The following SCML2 variants were observed in gnomAD, a reference collection of about 807,000 sequenced individuals.
The protein encoded by SCML2 is Scm polycomb group protein like 2.
SCML2 carries 6 observed loss-of-function variants against 48.4 expected under a neutral mutation model. That is an observed-to-expected ratio of 0.12 (90% CI 0.07 to 0.24). The LOEUF (loss-of-function observed/expected upper bound fraction) is 0.24, where lower values mean the gene tolerates loss of function less well. Among genes scored for constraint, SCML2 ranks in the 10% least tolerant of loss-of-function variants. The probability of loss-of-function intolerance (pLI) is 1.00; values close to 1 mark genes in which losing one functional copy is unlikely to be tolerated. For missense variants in SCML2, 377 were observed against 528.2 expected (o/e 0.71, Z 2.81); for synonymous variants, 181 against 189.5 (o/e 0.95, Z 0.37).
At chrX:18,250,016 A>G (rs761297158) in intron 11 of SCML2, among the ~76,000 whole-genome samples, 1 of 111,615 alleles carries the variant, frequency 9.0e-6, no homozygotes, top group East Asian at 2.8e-4. Flanking sequence ...AAAAGTCACT[A>G]AACAGCACCA....
chrX:18,284,933 G>A (rs1237993358), intron 7 of SCML2, among the ~76,000 whole-genome samples: 2 of 110,773 alleles, frequency 1.8e-5, no homozygotes, highest in Non-Finnish European at 3.8e-5. Flanking sequence ...CCAGCTACTC[G>A]GGAGGCTGAG....
At chrX:18,257,494 A>G (rs1200936561) in intron 10 of SCML2, among the ~76,000 whole-genome samples, 1 of 112,138 alleles carries the variant, frequency 8.9e-6, no homozygotes, top group Non-Finnish European at 1.9e-5. Context: ...AATTTACATT[A>G]TTCTGACATC....
At chrX:18,268,762 T>TATA (rs1269680109) in intron 7 of SCML2, among the ~76,000 whole-genome samples, 7 of 108,600 alleles carry the variant, frequency 6.4e-5, no homozygotes, top group Non-Finnish European at 1.1e-4. Flanking sequence ...AAACTTAAAG[T>TATA]ATAATAATAA....
chrX:18,261,602 A>T (rs1316162774), intron 8 of SCML2, among the ~76,000 whole-genome samples: 12 of 109,702 alleles, frequency 1.1e-4, no homozygotes, highest in Non-Finnish European at 1.7e-4. Context: ...TTAAAAGATT[A>T]AAGTACCTGC....
intron 6 of SCML2, among the ~76,000 whole-genome samples, chrX:18,307,092 G>A (rs887698500): frequency 9.0e-6 from 1 of 111,306 alleles, no homozygotes; most frequent in African/African-American, 3.3e-5. Context: ...ACAACAGCCT[G>A]GGCAACAAGA....
Position 18,266,248 on chromosome X carries a change from C to A in SCML2, c.731-446G>T, listed in dbSNP as rs754914149. Among the ~76,000 whole-genome samples the A allele has an allele frequency of 9.0e-5, 10 of 111,551 alleles. No individual in the cohort carries two copies. In the South Asian group the frequency reaches 1.9e-3, roughly 21 times the overall value. Reference sequence around the variant, plus strand: ...TGCTTCATGTTTCAGAGGGCAGGGGCTCCCTTGCTCTTGACTTTTTTCAGA... The same window carrying A: ...TGCTTCATGTTTCAGAGGGCAGGGGATCCCTTGCTCTTGACTTTTTTCAGA... On this transcript the variant is annotated intron_variant, in intron 7 of 14. Transcript: ENST00000251900.
At chrX:18,333,285 A>C (rs956046421) in intron 2 of SCML2, among the ~76,000 whole-genome samples, 1 of 111,040 alleles carries the variant, frequency 9.0e-6, no homozygotes, top group Non-Finnish European at 1.9e-5. Flanking sequence ...TCAAAAAAAA[A>C]TAAAAATAAA....
At chrX:18,274,599 G>A (rs1927568162) in intron 7 of SCML2, among the ~76,000 whole-genome samples, 1 of 111,595 alleles carries the variant, frequency 9.0e-6, no homozygotes, top group African/African-American at 3.3e-5. Flanking sequence ...TTAATTCCCT[G>A]GTCTGCTGTC....
chrX:18,271,885 G>A (rs1927476149), intron 7 of SCML2, among the ~76,000 whole-genome samples: 1 of 110,558 alleles, frequency 9.0e-6, no homozygotes, highest in African/African-American at 3.3e-5. Flanking sequence ...CAGCTGTGCT[G>A]CCCAATGCCT....
At chrX:18,313,010 C>CGT (rs72363939) in intron 6 of SCML2, among the ~76,000 whole-genome samples, 3 of 105,165 alleles carry the variant, frequency 2.9e-5, no homozygotes, top group African/African-American at 3.5e-5. Context: ...TGTGTGTGCG[C>CGT]GTGTGTGTGT....
intron 8 of SCML2, among the ~76,000 whole-genome samples, chrX:18,262,092 T>C (rs1569141274): frequency 9.2e-6 from 1 of 108,968 alleles, no homozygotes; most frequent in Non-Finnish European, 1.9e-5. Context: ...GGAAATGTTA[T>C]AGATACTGAT....
chrX:18,315,625 A>G (rs1486060280), intron 6 of SCML2, among the ~76,000 whole-genome samples: 4 of 111,365 alleles, frequency 3.6e-5, no homozygotes, highest in Non-Finnish European at 3.8e-5. Flanking sequence ...CCTATGATAA[A>G]AACTATTACA....
intron 13 of SCML2, among the ~76,000 whole-genome samples, chrX:18,243,649 T>C (rs768350943): frequency 8.9e-6 from 1 of 111,914 alleles, no homozygotes; most frequent in African/African-American, 3.2e-5. Flanking sequence ...TGCATAGTAA[T>C]AGATATTTTG....
chrX:18,333,992 G>A, intron 2 of SCML2, 58 bp downstream of exon 2: 1 of 1,046,571 alleles, frequency 9.6e-7, no homozygotes, highest in Non-Finnish European at 1.3e-6. Context: ...TATACCAGAA[G>A]ATATTCATTC....
At chrX:18,343,171 CTTT>C (rs200760857) in intron 1 of SCML2, among the ~76,000 whole-genome samples, 1 of 103,340 alleles carries the variant, frequency 9.7e-6, no homozygotes, top group South Asian at 4.3e-4. Context: ...CCCCACCTCC[CTTT>C]TTTTTTTATT....
intron 6 of SCML2, among the ~76,000 whole-genome samples, chrX:18,317,833 CAA>C (rs35128193): frequency 2.6e-5 from 1 of 38,517 alleles, no homozygotes; most frequent in Non-Finnish European, 4.9e-5. Context: ...GACTCCGTCT[CAA>C]AAAAAAAAAA....
In SCML2 at chrX:18,256,990, T is replaced by C; in HGVS notation, c.1314A>G (p.Pro438=). ...DGETHSIQLP[P]VNSASFALRF... ...GAAGAGCAAATGATGCACTGTTCAC[T>C]GGAGGGAGCTGGATGGAATGAGTTT... The change falls in exon 11 of 15, where the codon CCA becomes CCG. Residue 438 remains proline, a synonymous_variant. Transcript: ENST00000251900. 1 of 1,200,072 alleles carries C rather than the reference T, an allele frequency of 8.3e-7. No individual in the cohort carries two copies. The highest frequency in any genetic ancestry group is 1.1e-6 in the Non-Finnish European group (1 of 891,083).
intron 7 of SCML2, among the ~76,000 whole-genome samples, chrX:18,287,242 G>A (rs1232911888): frequency 2.7e-5 from 3 of 111,859 alleles, no homozygotes; most frequent in African/African-American, 9.7e-5. Context: ...ATTGCTTTGG[G>A]GGTCTGACAG....
At chrX:18,317,466 G>C (rs1191930782) in intron 6 of SCML2, among the ~76,000 whole-genome samples, 1 of 111,887 alleles carries the variant, frequency 8.9e-6, no homozygotes, top group African/African-American at 3.2e-5. Flanking sequence ...AGGAGAAAAA[G>C]TAAACCACAG....
Sources: gnomAD v4.1 joint callset for allele counts (sites outside exome capture counted in the v4.1 genomes callset) on GRCh38, gnomAD v4.1.1 for gene constraint, MANE v1.5 for transcripts, NCBI Gene and HGNC (gene_info 2026-07-23, HGNC 2026-07-21) for gene names.